SLC7A14: variants seen among roughly 807,000 people sequenced by gnomAD.
SLC7A14 encodes the protein gamma-aminobutyric acid transporter SLC7A14.
In SLC7A14, 37 loss-of-function variants were observed where a neutral mutation model predicts 60.2. The ratio of observed to expected loss-of-function variants is 0.61; its 90% CI spans 0.47 to 0.81. SLC7A14 has a LOEUF of 0.81. Among genes scored for constraint, SLC7A14 ranks in the 30% least tolerant of loss-of-function variants. SLC7A14 has a pLI of 0.00. For missense variants in SLC7A14, 886 were observed against 982.7 expected, an observed-to-expected ratio of 0.90 and a Z score of 1.32; for synonymous variants, 399 against 395.8, an observed-to-expected ratio of 1.01 and a Z score of -0.10.
intron 7 of SLC7A14, among the ~76,000 whole-genome samples, chr3:170,469,829 CT>C (rs1168831220): frequency 6.6e-6 from 1 of 152,076 alleles, no homozygotes; most frequent in Non-Finnish European, 1.5e-5. Context: ...CCCTACTGAA[CT>C]TAATACCATC....
intron 4 of SLC7A14, chr3:170,496,489 G>C: frequency 1.4e-6 from 2 of 1,399,508 alleles, no homozygotes; most frequent in Non-Finnish European, 2.0e-6. Context: ...AGCGCCAAGC[G>C]GTCGGAGCTG....
At chr3:170,533,597 A>G (rs1403010385) in intron 1 of SLC7A14, among the ~76,000 whole-genome samples, 1 of 152,050 alleles carries the variant, frequency 6.6e-6, no homozygotes, top group East Asian at 1.9e-4. Flanking sequence ...CATGGTTGAC[A>G]CTTTTGGACC....
intron 4 of SLC7A14, among the ~76,000 whole-genome samples, chr3:170,492,206 A>G (rs1406907878): frequency 6.6e-6 from 1 of 152,150 alleles, no homozygotes; most frequent in African/African-American, 2.4e-5. Flanking sequence ...TGCAGTACCT[A>G]GGGGTGAGCA....
At chr3:170,502,510 C>T (rs763915380) in intron 2 of SLC7A14, among the ~76,000 whole-genome samples, 1 of 151,982 alleles carries the variant, frequency 6.6e-6, no homozygotes, top group African/African-American at 2.4e-5. Flanking sequence ...GGTGGGGCAA[C>T]GAGTTGGAGG....
chr3:170,563,733 G>T (rs1714724436), intron 1 of SLC7A14, among the ~76,000 whole-genome samples: 1 of 151,986 alleles, frequency 6.6e-6, no homozygotes, highest in South Asian at 2.1e-4. Context: ...ACAAACACTG[G>T]TCTTAAAGAT....
At chr3:170,507,144 TCTTA>T (rs2108283602) in intron 2 of SLC7A14, among the ~76,000 whole-genome samples, 1 of 152,358 alleles carries the variant, frequency 6.6e-6, no homozygotes, top group Non-Finnish European at 1.5e-5. Context: ...ATGTAACTTA[TCTTA>T]CTTTGACTAT....
intron 7 of SLC7A14, among the ~76,000 whole-genome samples, chr3:170,475,305 G>C (rs1711579054): frequency 6.6e-6 from 1 of 152,182 alleles, no homozygotes; most frequent in Non-Finnish European, 1.5e-5. Context: ...TGTGTCTTAA[G>C]AAGTTTATCA....
chr3:170,490,611 G>A (rs1214262513), intron 4 of SLC7A14, among the ~76,000 whole-genome samples: 5 of 152,178 alleles, frequency 3.3e-5, no homozygotes, highest in East Asian at 1.9e-4. Context: ...GTGCAGTACC[G>A]GCAGTTGGAG....
At chr3:170,528,786 T>G (rs1346449657) in intron 1 of SLC7A14, among the ~76,000 whole-genome samples, 1 of 152,198 alleles carries the variant, frequency 6.6e-6, no homozygotes, top group East Asian at 1.9e-4. Context: ...TCCTCTCCTC[T>G]TTCTTCTTCT....
intron 1 of SLC7A14, among the ~76,000 whole-genome samples, chr3:170,570,825 CT>C (rs34004166): frequency 6.6e-6 from 1 of 152,074 alleles, no homozygotes; most frequent in East Asian, 1.9e-4. Context: ...TTTTCCCATA[CT>C]TTTTTTCCAA....
chr3:170,533,234 C>T (rs1713732447), intron 1 of SLC7A14, among the ~76,000 whole-genome samples: 1 of 152,210 alleles, frequency 6.6e-6, no homozygotes, highest in South Asian at 2.1e-4. Context: ...GATGTGCTTG[C>T]ATGTCAGCCA....
chr3:170,581,315 T>C (rs1380605151), intron 1 of SLC7A14, among the ~76,000 whole-genome samples: 1 of 152,164 alleles, frequency 6.6e-6, no homozygotes, highest in East Asian at 1.9e-4. Context: ...GGAATATCCA[T>C]AATGCTTGTA....
In SLC7A14 at chr3:170,464,453, A is replaced by T. The variant is rs1451939397; in HGVS notation, c.*2602T>A. 4 of 152,260 alleles carry T rather than the reference A, an allele frequency of 2.6e-5. No homozygotes were observed. The highest frequency in any genetic ancestry group is 2.9e-5 in the Non-Finnish European group (2 of 68,036). The allele number at this position is 152,260 out of a possible 1,614,324, so 9.4% of individuals were successfully genotyped here. On this transcript the variant is annotated 3_prime_UTR_variant, in exon 8 of 8. Coordinates refer to ENST00000231706, the MANE Select transcript of SLC7A14 (RefSeq NM_020949.3). ...TATTGTCATTGTAGTGATTGATGGTATTTGAAAACTGCATTGTAAAATCTG... is the reference window on the plus strand; with the variant it reads ...TATTGTCATTGTAGTGATTGATGGTTTTTGAAAACTGCATTGTAAAATCTG...
chr3:170,566,291 A>C (rs370152471), intron 1 of SLC7A14, among the ~76,000 whole-genome samples: 12 of 152,160 alleles, frequency 7.9e-5, no homozygotes, highest in African/African-American at 2.7e-4. Context: ...TAAGTGGAGG[A>C]GTCCTTTCAG....
intron 1 of SLC7A14, among the ~76,000 whole-genome samples, chr3:170,569,407 G>T (rs1186115904): frequency 2.0e-5 from 3 of 152,158 alleles, no homozygotes; most frequent in Non-Finnish European, 4.4e-5. Flanking sequence ...GCTGGATTCG[G>T]TTTGCCAGTA....
intron 2 of SLC7A14, among the ~76,000 whole-genome samples, chr3:170,505,640 C>T (rs2108282846): frequency 6.6e-6 from 1 of 152,248 alleles, no homozygotes; most frequent in African/African-American, 2.4e-5. Flanking sequence ...AATCCCAGAA[C>T]TTTGGGAGGG....
At chr3:170,477,166 C>A (rs544186158) in intron 7 of SLC7A14, among the ~76,000 whole-genome samples, 1 of 152,108 alleles carries the variant, frequency 6.6e-6, no homozygotes, top group Non-Finnish European at 1.5e-5. Context: ...TAGTAGGAGC[C>A]CCAGATTTGA....
rs1436792066 is a variant in SLC7A14 at position 170,463,952 on chromosome 3, C to A, written c.*3103G>T. Reference sequence around the variant, plus strand: ...CTACCTGCATGGGGAAAGATTTGTTCTTATCATGCAGAAGTACTTCTTCTT... The same window carrying A: ...CTACCTGCATGGGGAAAGATTTGTTATTATCATGCAGAAGTACTTCTTCTT... On this transcript the variant is annotated 3_prime_UTR_variant, in exon 8 of 8. Transcript: ENST00000231706. 1 of 152,170 alleles carries A rather than the reference C, an allele frequency of 6.6e-6. No homozygotes were observed. The highest frequency in any genetic ancestry group is 6.5e-5 in the Admixed American group (1 of 15,274). The allele number at this position is 152,170 out of a possible 1,614,324, so 9.4% of individuals were successfully genotyped here.
At chr3:170,581,698 A>G (rs1391845610) in intron 1 of SLC7A14, among the ~76,000 whole-genome samples, 13 of 152,176 alleles carry the variant, frequency 8.5e-5, no homozygotes, top group Admixed American at 8.5e-4. Context: ...ATAATAAACC[A>G]TTGCAGATTC....
Sources: allele counts gnomAD v4.1 joint callset (sites outside exome capture counted in the v4.1 genomes callset), GRCh38; gene constraint gnomAD v4.1.1; transcripts MANE v1.5; gene names NCBI Gene and HGNC (gene_info 2026-07-23, HGNC 2026-07-21).